The following FGF12 variants were observed in gnomAD, a reference collection of about 807,000 sequenced individuals.
The protein encoded by FGF12 is fibroblast growth factor 12.
FGF12 carries 14 observed loss-of-function variants against 23.6 expected under a neutral mutation model. That is an observed-to-expected ratio of 0.59 (90% confidence interval 0.39 to 0.93). FGF12 has a LOEUF of 0.93. Ranked by LOEUF, FGF12 falls within the 40% of genes least tolerant of loss-of-function variation. FGF12 has a pLI of 0.00. For synonymous variants in FGF12, 62 were observed against 77.3 expected, an observed-to-expected ratio of 0.80 and a Z score of 1.04; for missense variants, 175 against 217.8, an observed-to-expected ratio of 0.80 and a Z score of 1.24.
At chr3:192,586,236 T>C (rs899323942) in intron 2 of FGF12, among the ~76,000 whole-genome samples, 3 of 152,106 alleles carry the variant, frequency 2.0e-5, no homozygotes, top group Admixed American at 1.3e-4. Flanking sequence ...ACTGAAGACC[T>C]GGAACAAATG....
At chr3:192,438,166 T>C (rs1391686325) in intron 2 of FGF12, among the ~76,000 whole-genome samples, 1 of 152,218 alleles carries the variant, frequency 6.6e-6, no homozygotes, top group Non-Finnish European at 1.5e-5. Context: ...TGAGATCCTA[T>C]TGTCCTTTAA....
intron 4 of FGF12, among the ~76,000 whole-genome samples, chr3:192,172,737 C>T (rs1316419277): frequency 1.3e-5 from 2 of 150,708 alleles, no homozygotes; most frequent in East Asian, 1.9e-4. Flanking sequence ...GTTGGCAGTG[C>T]CTCAAAAGGT....
intron 2 of FGF12, among the ~76,000 whole-genome samples, chr3:192,368,462 C>T (rs1400312456): frequency 6.6e-6 from 1 of 152,078 alleles, no homozygotes; most frequent in Non-Finnish European, 1.5e-5. Flanking sequence ...AAGATAACAT[C>T]ACAGAAGCCT....
intron 2 of FGF12, among the ~76,000 whole-genome samples, chr3:192,463,722 T>C (rs528599981): frequency 3.9e-5 from 6 of 152,284 alleles, no homozygotes; most frequent in African/African-American, 1.4e-4. Context: ...CAGGGAATCA[T>C]GTGAAAGGAT....
chr3:192,295,467 A>G (rs2108653840), intron 4 of FGF12, among the ~76,000 whole-genome samples: 1 of 152,324 alleles, frequency 6.6e-6, no homozygotes, highest in South Asian at 2.1e-4. Flanking sequence ...TGTTCGACAT[A>G]TATAAAACCT....
rs558456973 is a variant in FGF12 at position 192,479,915 on chromosome 3, G to A, written c.14-119377C>T. 8.7e-4 allele frequency among the ~76,000 whole-genome samples: 133 copies of A among 152,126 alleles called. 3 individuals carry two copies. The Middle Eastern group carries it at 0.01, about 12-fold the overall frequency. On this transcript the variant is annotated intron_variant, in intron 2 of 5. Transcript: ENST00000445105. ...TACAATCAGGAATTTTTACAGACTC[G>A]AGAACTGGGGAAGGGTTTGTGGCAC...
chr3:192,525,580 A>G (rs1020310235), intron 2 of FGF12, among the ~76,000 whole-genome samples: 1 of 152,222 alleles, frequency 6.6e-6, no homozygotes, highest in African/African-American at 2.4e-5. Context: ...CCTTCAATTT[A>G]GCCTCCATAC....
chr3:192,494,397 C>T (rs984924155), intron 2 of FGF12, among the ~76,000 whole-genome samples: 1 of 152,204 alleles, frequency 6.6e-6, no homozygotes, highest in African/African-American at 2.4e-5. Flanking sequence ...CCTGTTGGCA[C>T]AGAGCTGCTT....
chr3:192,442,648 A>G (rs1304203095), intron 2 of FGF12, among the ~76,000 whole-genome samples: 1 of 152,228 alleles, frequency 6.6e-6, no homozygotes, highest in African/African-American at 2.4e-5. Context: ...TATGTAATCA[A>G]TTCTGAATTA....
intron 2 of FGF12, among the ~76,000 whole-genome samples, chr3:192,372,162 T>C (rs942989786): frequency 1.3e-5 from 2 of 152,118 alleles, no homozygotes; most frequent in African/African-American, 4.8e-5. Context: ...GCACCAGAAA[T>C]AAATGAACAG....
chr3:192,683,643 C>A (rs373606890), intron 2 of FGF12, among the ~76,000 whole-genome samples: 1 of 152,110 alleles, frequency 6.6e-6, no homozygotes, highest in African/African-American at 2.4e-5. Context: ...AAATTTTTTT[C>A]TAGGGGGCAG....
At chr3:192,341,894 C>T (rs1717706611) in intron 3 of FGF12, among the ~76,000 whole-genome samples, 1 of 98,114 alleles carries the variant, frequency 1.0e-5, no homozygotes, top group South Asian at 2.8e-4. Flanking sequence ...ATGTAAAGCA[C>T]CATCCTAACA....
At chr3:192,682,615 G>T (rs1717572611) in intron 2 of FGF12, among the ~76,000 whole-genome samples, 1 of 152,104 alleles carries the variant, frequency 6.6e-6, no homozygotes, top group Non-Finnish European at 1.5e-5. Context: ...AAAGAATTTG[G>T]TCTTTGTCCT....
chr3:192,522,562 T>C (rs1560138644), intron 2 of FGF12, among the ~76,000 whole-genome samples: 1 of 152,174 alleles, frequency 6.6e-6, no homozygotes, highest in East Asian at 1.9e-4. Context: ...CTTCAAACTT[T>C]AAAAAGCCAA....
rs35097529 is a variant in FGF12, at chr3:192,167,163, CAAAA to C, written c.427+3291_427+3294del. Among the ~76,000 whole-genome samples the C allele has an allele frequency of 4.4e-3, 480 of 108,064 alleles. 1 individual carries two copies. Among genetic ancestry groups the C allele is most frequent in the African/African-American group, 0.014 (402 of 28,776 alleles). The allele number at this position is 108,064 out of a possible 152,430, so 70.9% of individuals were successfully genotyped here. On this transcript the variant is annotated intron_variant, in intron 5 of 5. Transcript: ENST00000445105. ...GAACATTTATTTGGTATATGGCTAT[CAAAA>C]AAAAAAAAAAAAAAAAGACTACATT...
At chr3:192,369,410 G>T (rs923738382) in intron 2 of FGF12, among the ~76,000 whole-genome samples, 15 of 152,170 alleles carry the variant, frequency 9.9e-5, no homozygotes, top group Non-Finnish European at 2.2e-4. Flanking sequence ...GCCCTGAGTT[G>T]CCTCACATTT....
chr3:192,384,258 A>G (rs906058060), intron 2 of FGF12, among the ~76,000 whole-genome samples: 8 of 152,230 alleles, frequency 5.3e-5, no homozygotes, highest in African/African-American at 1.9e-4. Flanking sequence ...GTGAATATAC[A>G]GAATTTGTTA....
chr3:192,558,223 T>C (rs1315359847), intron 2 of FGF12, among the ~76,000 whole-genome samples: 2 of 151,886 alleles, frequency 1.3e-5, no homozygotes, highest in African/African-American at 4.8e-5. Context: ...AGATAATAAA[T>C]TCAGCAAAGC....
chr3:192,285,099 A>T (rs895848104), intron 4 of FGF12, among the ~76,000 whole-genome samples: 6 of 152,202 alleles, frequency 3.9e-5, no homozygotes, highest in African/African-American at 1.4e-4. Flanking sequence ...CCATGACCTG[A>T]CAAATGCAGT....
Sources: gnomAD v4.1 joint callset for allele counts (sites outside exome capture counted in the v4.1 genomes callset) on GRCh38, gnomAD v4.1.1 for gene constraint, MANE v1.5 for transcripts, NCBI Gene and HGNC (gene_info 2026-07-23, HGNC 2026-07-21) for gene names.